PLPPR1: variants seen among roughly 807,000 people sequenced by gnomAD.
The protein encoded by PLPPR1 is phospholipid phosphatase-related protein type 1.
A neutral mutation model predicts 33.1 loss-of-function variants in PLPPR1; 10 were observed. The ratio of observed to expected loss-of-function variants is 0.30; its 90% CI spans 0.19 to 0.51. The LOEUF is 0.51. PLPPR1 is among the 20% of genes least tolerant of loss of function. The pLI is 0.97. For synonymous variants in PLPPR1, 151 were observed against 151.0 expected (o/e 1.00, Z 0.00); for missense variants, 304 against 408.1 (o/e 0.74, Z 2.20).
At position 101,172,121 on chromosome 9, in the gene PLPPR1, C is replaced by G. The variant is rs531823930; in HGVS notation, c.-45-13329C>G. ...GAACCAACCTAATTTTGAGGAACTT[C>G]TAGGGAGTTTCACCATGTTAAATGT... is the stretch of plus-strand genomic sequence containing the variant. On this transcript the variant is annotated intron_variant, in intron 1 of 7. Transcript: ENST00000374874. 3.3e-5 allele frequency among the ~76,000 whole-genome samples: 5 copies of G among 152,164 alleles called. No homozygotes were observed. In the East Asian group the frequency reaches 9.7e-4, roughly 29 times the overall value.
At chr9:101,127,484 A>G (rs971424887) in intron 1 of PLPPR1, among the ~76,000 whole-genome samples, 1 of 152,230 alleles carries the variant, frequency 6.6e-6, no homozygotes, top group African/African-American at 2.4e-5. Flanking sequence ...GAGGTTGAAA[A>G]GGCACATTGC....
At chr9:101,293,033 T>A (rs1389374044) in intron 4 of PLPPR1, among the ~76,000 whole-genome samples, 2 of 152,112 alleles carry the variant, frequency 1.3e-5, no homozygotes, top group African/African-American at 2.4e-5. Context: ...TCAAGACCCA[T>A]CAGTGTGCTG....
At chr9:101,043,409 ATG>A (rs1361679934) in intron 1 of PLPPR1, among the ~76,000 whole-genome samples, 3 of 151,452 alleles carry the variant, frequency 2.0e-5, no homozygotes, top group African/African-American at 4.9e-5. Flanking sequence ...ATACATATGT[ATG>A]TGTGTATATA....
At chr9:101,052,924 C>T (rs895155126) in intron 1 of PLPPR1, among the ~76,000 whole-genome samples, 10 of 152,160 alleles carry the variant, frequency 6.6e-5, no homozygotes, top group Non-Finnish European at 1.5e-4. Flanking sequence ...ACCTGTATTT[C>T]GCTATCTCAC....
intron 1 of PLPPR1, among the ~76,000 whole-genome samples, chr9:101,113,470 A>C (rs1310628073): frequency 1.3e-5 from 2 of 152,174 alleles, no homozygotes; most frequent in Non-Finnish European, 2.9e-5. Context: ...TTATAAGATG[A>C]ACCAGAAAAT....
intron 2 of PLPPR1, among the ~76,000 whole-genome samples, chr9:101,206,032 A>C (rs1826583371): frequency 6.6e-6 from 1 of 152,158 alleles, no homozygotes; most frequent in African/African-American, 2.4e-5. Context: ...GAGTGTGCCC[A>C]CAAATTATAC....
At chr9:101,295,226 T>C (rs1451892674) in intron 4 of PLPPR1, among the ~76,000 whole-genome samples, 3 of 151,884 alleles carry the variant, frequency 2.0e-5, no homozygotes, top group African/African-American at 7.2e-5. Context: ...ATAAAATACC[T>C]AGGAATCCAA....
At chr9:101,308,768 A>T (rs898587932) in intron 4 of PLPPR1, among the ~76,000 whole-genome samples, 1 of 151,112 alleles carries the variant, frequency 6.6e-6, no homozygotes, top group African/African-American at 2.5e-5. Context: ...TTTCGTATAG[A>T]AGGAGAGAGA....
chr9:101,238,154 T>TACACACATATATATACAC (rs1827358278), intron 2 of PLPPR1, among the ~76,000 whole-genome samples: 1 of 136,974 alleles, frequency 7.3e-6, no homozygotes, highest in African/African-American at 2.7e-5. Flanking sequence ...TATATATACA[T>TACACACATATATATACAC]ATACACACAT....
intron 1 of PLPPR1, among the ~76,000 whole-genome samples, chr9:101,133,473 AT>A (rs1463724250): frequency 6.6e-6 from 1 of 152,200 alleles, no homozygotes; most frequent in Non-Finnish European, 1.5e-5. Context: ...ACCTTTTGTC[AT>A]TTGATAAATT....
chr9:101,141,875 C>A (rs1184343958), intron 1 of PLPPR1, among the ~76,000 whole-genome samples: 1 of 152,114 alleles, frequency 6.6e-6, no homozygotes, highest in African/African-American at 2.4e-5. Flanking sequence ...CCAGATCAAC[C>A]CCATTGTTGA....
At chr9:101,038,936 C>T (rs1193615548) in intron 1 of PLPPR1, among the ~76,000 whole-genome samples, 1 of 152,060 alleles carries the variant, frequency 6.6e-6, no homozygotes, top group African/African-American at 2.4e-5. Flanking sequence ...TCAGGTGGTG[C>T]CCATGTTACC....
chr9:101,161,031 G>T (rs1254638477), intron 1 of PLPPR1, among the ~76,000 whole-genome samples: 1 of 152,068 alleles, frequency 6.6e-6, no homozygotes, highest in South Asian at 2.1e-4. Flanking sequence ...AAACCGCTTT[G>T]ATTTTGATAA....
chr9:101,173,083 C>A (rs1299051500), intron 1 of PLPPR1, among the ~76,000 whole-genome samples: 1 of 151,984 alleles, frequency 6.6e-6, no homozygotes, highest in Non-Finnish European at 1.5e-5. Flanking sequence ...GGATAACAAA[C>A]CCATAAAGAA....
At chr9:101,242,669 G>A (rs977544713) in intron 2 of PLPPR1, among the ~76,000 whole-genome samples, 1 of 152,030 alleles carries the variant, frequency 6.6e-6, no homozygotes, top group Non-Finnish European at 1.5e-5. Context: ...CTGCCTATAT[G>A]TTCTAGAACT....
intron 1 of PLPPR1, among the ~76,000 whole-genome samples, chr9:101,037,326 G>A (rs1830021575): frequency 6.6e-6 from 1 of 151,960 alleles, no homozygotes; most frequent in Non-Finnish European, 1.5e-5. Context: ...TGGGTATTAT[G>A]GCATCAAGTG....
At chr9:101,302,883 C>T (rs1323378168) in intron 4 of PLPPR1, among the ~76,000 whole-genome samples, 1 of 152,204 alleles carries the variant, frequency 6.6e-6, no homozygotes, top group Admixed American at 6.5e-5. Context: ...CAAGTATCCT[C>T]AATATCATAC....
At chr9:101,216,658 T>A (rs1826801748) in intron 2 of PLPPR1, among the ~76,000 whole-genome samples, 1 of 152,220 alleles carries the variant, frequency 6.6e-6, no homozygotes, top group Non-Finnish European at 1.5e-5. Context: ...GCACTTAAGG[T>A]ACTTACATCA....
intron 2 of PLPPR1, among the ~76,000 whole-genome samples, chr9:101,267,327 A>G (rs1197578780): frequency 6.6e-6 from 1 of 152,222 alleles, no homozygotes; most frequent in Non-Finnish European, 1.5e-5. Flanking sequence ...ATCTCTCTCA[A>G]TCTTTCAGGA....
Sources: gnomAD v4.1 joint callset for allele counts (sites outside exome capture counted in the v4.1 genomes callset) on GRCh38, gnomAD v4.1.1 for gene constraint, MANE v1.5 for transcripts, NCBI Gene and HGNC (gene_info 2026-07-23, HGNC 2026-07-21) for gene names.